The following TRPM1 variants were observed in gnomAD, a reference collection of about 807,000 sequenced individuals.
TRPM1 encodes TRPM1-203 APA Isoform, Intron 10.
TRPM1 carries 113 observed loss-of-function variants against 149.4 expected under a neutral mutation model. The ratio of observed to expected loss-of-function variants is 0.76; its 90% CI spans 0.65 to 0.88. The LOEUF (loss-of-function observed/expected upper bound fraction) is 0.88, where lower values mean the gene tolerates loss of function less well. Ranked by LOEUF, TRPM1 falls within the 40% of genes least tolerant of loss-of-function variation. The pLI, the probability that TRPM1 is intolerant of heterozygous loss-of-function variation, is 0.00. For synonymous variants in TRPM1, 741 were observed against 759.5 expected (o/e 0.98, Z 0.40); for missense variants, 1,976 against 2,038.7 (o/e 0.97, Z 0.59).
At position 31,002,060 on chromosome 15, in the gene TRPM1, A is replaced by G; in HGVS notation, c.4640T>C (p.Ile1547Thr). The G allele has an allele frequency of 6.2e-7, 1 of 1,614,214 alleles. No homozygotes were observed. The highest frequency in any genetic ancestry group is 2.2e-5 in the East Asian group (1 of 44,892). ...IPRIPRLSLT[I>T]TDRNGMENLL... ...GTTTTCCATCCCATTTCTGTCAGTA[A>G]TGGTTAGGGACAAGCGAGGGATTCG... Residue 1547 changes from isoleucine (I) to threonine (T), a missense_variant, in exon 28 of 28, where the codon ATT becomes ACT. This residue lies in a region of TRPM1 where 572 missense variants were observed against 578.9 expected (regional missense o/e 0.99). Coordinates refer to ENST00000256552, the MANE Select transcript of TRPM1 (RefSeq NM_001252024.2).
chr15:31,096,204 G>A (rs947339544), intron 1 of TRPM1, among the ~76,000 whole-genome samples: 1 of 152,152 alleles, frequency 6.6e-6, no homozygotes, highest in Non-Finnish European at 1.5e-5. Context: ...GAACGAGCCA[G>A]GCAGAAGTCA....
Position 31,062,485 on chromosome 15 carries a change from T to C in TRPM1, c.1089+94A>G, listed in dbSNP as rs2034258748. On this transcript the variant is annotated intron_variant, in intron 9 of 27. Transcript: ENST00000256552. ...TCTCAGAAAAGGCCGGACTAAAATA[T>C]GAATAACCCTGTCATGCACACATGG... 2.0e-6 allele frequency: 3 copies of C among 1,519,116 alleles called. No homozygotes were observed. The East Asian group carries it at 6.8e-5, about 34-fold the overall frequency. The allele number at this position is 1,519,116 out of a possible 1,614,324, so 94.1% of individuals were successfully genotyped here.
In TRPM1 at chr15:31,145,028, T is replaced by C. The variant is rs188301116; in HGVS notation, c.54+15878A>G. Among the ~76,000 whole-genome samples the C allele has an allele frequency of 4.7e-3, 715 of 152,328 alleles. 2 individuals carry two copies. The highest frequency in any genetic ancestry group is 7.6e-3 in the Non-Finnish European group (518 of 68,024). The stretch of plus-strand genomic sequence containing the variant: ...ACCGCACCCAGCCCCGGCCTTGTTT[T>C]TGAGTTTTTATTATCTGTCTGTAGA... On this transcript the variant is annotated intron_variant, in intron 1 of 26. Coordinates refer to the TRPM1 transcript ENST00000542188.
At chr15:31,072,716 T>G (rs1057492429) in intron 3 of TRPM1, among the ~76,000 whole-genome samples, 1 of 152,148 alleles carries the variant, frequency 6.6e-6, no homozygotes, top group African/African-American at 2.4e-5. Context: ...GTCTTCCTTC[T>G]GAGTGTGAAG....
chr15:31,100,934 T>G lies in TRPM1; in HGVS notation c.-84+723A>C, dbSNP rs1194498644. On this transcript the variant is annotated intron_variant, in intron 1 of 27. Transcript: ENST00000256552. ...TCGCTCCTCAGGATGGGTTCCTAGG[T>G]GTGGACTTGCAGGGCTTTGCTGCAT... is the stretch of plus-strand genomic sequence containing the variant. Among the ~76,000 whole-genome samples the G allele has an allele frequency of 2.6e-5, 4 of 152,106 alleles. No individual in the cohort carries two copies. In the East Asian group the frequency reaches 7.7e-4, roughly 29 times the overall value.
chr15:31,035,344 C>T (rs2033310527), intron 21 of TRPM1, among the ~76,000 whole-genome samples: 1 of 152,134 alleles, frequency 6.6e-6, no homozygotes, highest in South Asian at 2.1e-4. Flanking sequence ...GTTTCATTCA[C>T]CCTGTTGGCC....
At chr15:31,061,902 G>A (rs1022901418) in intron 9 of TRPM1, among the ~76,000 whole-genome samples, 15 of 152,040 alleles carry the variant, frequency 9.9e-5, no homozygotes, top group African/African-American at 3.1e-4. Context: ...TGGCCAGGCC[G>A]GTCTCAAACT....
rs1483542415 is a variant in TRPM1 at position 31,110,904 on chromosome 15, C to A, written c.55-33920G>T. Among the ~76,000 whole-genome samples, 4 of 140,462 alleles carry A rather than the reference C, an allele frequency of 2.8e-5. 1 individual carries two copies. The highest frequency in any genetic ancestry group is 7.8e-5 in the Admixed American group (1 of 12,886). The allele number at this position is 140,462 out of a possible 152,430, so 92.1% of individuals were successfully genotyped here. A position where few individuals can be genotyped will look rare whatever the true frequency, so the allele number is the denominator to read the frequency against. On this transcript the variant is annotated intron_variant, in intron 1 of 26. Coordinates refer to the TRPM1 transcript ENST00000542188. ...CTTTCTCTTTCTCTCTCTCTCTCTC[C>A]CCCCCCTTCCCTCCCTCCCTTCTGC...
intron 26 of TRPM1, 187 bp from the exon 27 acceptor site, chr15:31,026,458 G>T: frequency 1.4e-6 from 1 of 717,800 alleles, no homozygotes; most frequent in South Asian, 1.8e-5. Context: ...TCTATCAGTT[G>T]GAGCCAAACG....
intron 1 of TRPM1, among the ~76,000 whole-genome samples, chr15:31,115,870 G>A (rs2035791016): frequency 6.6e-6 from 1 of 151,964 alleles, no homozygotes; most frequent in African/African-American, 2.4e-5. Context: ...AGGCTGGGAA[G>A]TCCAAAATCA....
chr15:31,035,003 G>T (rs1485755145), intron 21 of TRPM1, among the ~76,000 whole-genome samples: 1 of 152,090 alleles, frequency 6.6e-6, no homozygotes, highest in South Asian at 2.1e-4. Flanking sequence ...TGTGTAATTT[G>T]TTTTTTTGTT....
intron 18 of TRPM1, among the ~76,000 whole-genome samples, chr15:31,039,616 C>G (rs2033546209): frequency 6.6e-6 from 1 of 152,184 alleles, no homozygotes; most frequent in African/African-American, 2.4e-5. Context: ...ATTTTTCCCC[C>G]ACTATATCTT....
At chr15:31,054,023 A>G (rs8037421) in intron 11 of TRPM1, among the ~76,000 whole-genome samples, 107,230 of 152,098 alleles carry the variant, frequency 0.71, 38,005 homozygotes, top group East Asian at 0.95. Flanking sequence ...AGGAGGTACT[A>G]ACAGTAGTCA....
intron 1 of TRPM1, among the ~76,000 whole-genome samples, chr15:31,129,581 T>G (rs532571370): frequency 1.3e-5 from 2 of 152,338 alleles, no homozygotes; most frequent in Non-Finnish European, 2.9e-5. Flanking sequence ...ATGGCCATTT[T>G]AAGTGGTTCA....
intron 27 of TRPM1, among the ~76,000 whole-genome samples, chr15:31,020,854 G>A (rs2032529920): frequency 6.6e-6 from 1 of 152,322 alleles, no homozygotes; most frequent in South Asian, 2.1e-4. Context: ...GCTAAACTCT[G>A]CCTGTGGGAA....
At chr15:31,022,254 A>G (rs2140892803) in intron 27 of TRPM1, among the ~76,000 whole-genome samples, 1 of 152,344 alleles carries the variant, frequency 6.6e-6, no homozygotes, top group African/African-American at 2.4e-5. Context: ...AAATCTCCCA[A>G]TGATAAGGAC....
intron 27 of TRPM1, among the ~76,000 whole-genome samples, chr15:31,011,687 T>C (rs1479678342): frequency 2.0e-5 from 3 of 147,988 alleles, no homozygotes; most frequent in African/African-American, 7.6e-5. Context: ...TTTTTTGAGA[T>C]GGAGTGTCAC....
intron 21 of TRPM1, 95 bp from the exon 22 acceptor site, chr15:31,033,035 G>A: frequency 6.4e-7 from 1 of 1,552,624 alleles, no homozygotes; most frequent in Admixed American, 1.7e-5. Context: ...AACATTCCAG[G>A]TCATCTGGCC....
At position 31,120,769 on chromosome 15, in the gene TRPM1, T is replaced by C. The variant is rs1358956158; in HGVS notation, c.54+40137A>G. Among the ~76,000 whole-genome samples, 11 of 148,574 alleles carry C rather than the reference T, an allele frequency of 7.4e-5. No individual in the cohort carries two copies. The South Asian group carries it at 1.3e-3, about 17-fold the overall frequency. ...GAAAGATATCTGGGAAATCCTTAAATAGTTGGAGAGTAAACAATACCCTTC... is the reference window on the plus strand; with the variant it reads ...GAAAGATATCTGGGAAATCCTTAAACAGTTGGAGAGTAAACAATACCCTTC... On this transcript the variant is annotated intron_variant, in intron 1 of 26. Transcript: ENST00000542188.
Sources: allele counts gnomAD v4.1 joint callset (sites outside exome capture counted in the v4.1 genomes callset), GRCh38; gene constraint gnomAD v4.1.1; regional missense constraint gnomAD v4.1.1; transcripts MANE v1.5; gene names NCBI Gene and HGNC (gene_info 2026-07-23, HGNC 2026-07-21).